Variants in PATJ observed in about 807,000 individuals in gnomAD.
PATJ encodes inaD-like protein.
PATJ carries 190 observed loss-of-function variants against 224.9 expected under a neutral mutation model. The ratio of observed to expected loss-of-function variants is 0.84; its 90% CI spans 0.75 to 0.95. The LOEUF is 0.95. Among genes scored for constraint, PATJ ranks in the 40% least tolerant of loss-of-function variants. The pLI, the probability that PATJ is intolerant of heterozygous loss-of-function variation, is 0.00. For missense variants in PATJ, 2,121 were observed against 2,270.3 expected, an observed-to-expected ratio of 0.93 and a Z score of 1.34; for synonymous variants, 769 against 820.3, an observed-to-expected ratio of 0.94 and a Z score of 1.07.
At chr1:62,010,873 A>G (rs1438451000) in intron 28 of PATJ, among the ~76,000 whole-genome samples, 1 of 152,226 alleles carries the variant, frequency 6.6e-6, no homozygotes, top group African/African-American at 2.4e-5. Context: ...GAGCTTAGCT[A>G]GATCTTCTGA....
At chr1:61,870,016 A>G (rs1418383459) in intron 20 of PATJ, among the ~76,000 whole-genome samples, 2 of 152,218 alleles carry the variant, frequency 1.3e-5, no homozygotes, top group Non-Finnish European at 1.5e-5. Context: ...AAGTGTTAAC[A>G]GTTCAGTGAG....
intron 28 of PATJ, among the ~76,000 whole-genome samples, chr1:61,998,511 G>A (rs909569603): frequency 6.6e-6 from 1 of 152,154 alleles, no homozygotes; most frequent in African/African-American, 2.4e-5. Flanking sequence ...ACAGATGTGA[G>A]CCACTGTGCC....
Position 62,161,260 on chromosome 1 carries a change from T to C in PATJ, c.*206T>C. The C allele has an allele frequency of 2.5e-6, 1 of 402,422 alleles. No homozygotes were observed. Among genetic ancestry groups the C allele is most frequent in the Non-Finnish European group, 4.3e-6 (1 of 230,316 alleles). The allele number at this position is 402,422 out of a possible 1,614,324, so 24.9% of individuals were successfully genotyped here. A position where few individuals can be genotyped will look rare whatever the true frequency, so the allele number is the denominator to read the frequency against. On this transcript the variant is annotated 3_prime_UTR_variant, in exon 44 of 44. Coordinates refer to ENST00000642238, the MANE Select transcript of PATJ (RefSeq NM_001350145.3). ...CTAATGTTTCCCAGTTCCTGTCACC[T>C]GTTGGCGAGGTTGATTTCTAAAACT...
chr1:61,813,680 G>A (rs1051536930), intron 14 of PATJ, among the ~76,000 whole-genome samples: 5 of 152,032 alleles, frequency 3.3e-5, no homozygotes, highest in East Asian at 1.9e-4. Flanking sequence ...TAGGTGATAT[G>A]TGCCATGGAG....
intron 19 of PATJ, among the ~76,000 whole-genome samples, chr1:61,864,006 C>A (rs1190078827): frequency 6.6e-6 from 1 of 152,210 alleles, no homozygotes; most frequent in Non-Finnish European, 1.5e-5. Flanking sequence ...AAATCATTCA[C>A]CTTGCCAAGG....
chr1:62,039,815 G>A (rs1414918204), intron 30 of PATJ, among the ~76,000 whole-genome samples: 1 of 152,150 alleles, frequency 6.6e-6, no homozygotes, highest in South Asian at 2.1e-4. Context: ...CCATGTGCTA[G>A]CTCCGGTGCC....
In PATJ at chr1:61,899,652, A is replaced by ACCCCGAG; in HGVS notation, c.3201_3202insCCCCGAG (p.Ile1068ProfsTer5). 1 of 1,605,708 alleles carries ACCCCGAG rather than the reference A, an allele frequency of 6.2e-7. No homozygotes were observed. Among genetic ancestry groups the ACCCCGAG allele is most frequent in the Non-Finnish European group, 8.5e-7 (1 of 1,175,216 alleles). On this transcript the variant is annotated frameshift_variant and splice_region_variant, in exon 23 of 44. Coordinates refer to ENST00000642238, the MANE Select transcript of PATJ (RefSeq NM_001350145.3). LOFTEE classifies it high-confidence loss of function. ...ATTTTAGCCACTGGGGTCCACCGAG[A>ACCCCGAG]ATGTATGTGGATGACATTATTGTGG...
chr1:61,825,381 G>C (rs1279698115), intron 15 of PATJ, among the ~76,000 whole-genome samples: 1 of 152,154 alleles, frequency 6.6e-6, no homozygotes, highest in Non-Finnish European at 1.5e-5. Flanking sequence ...GTCACAAGTT[G>C]AAGGACCTTG....
intron 17 of PATJ, among the ~76,000 whole-genome samples, chr1:61,849,052 T>C (rs897583960): frequency 7.2e-5 from 11 of 152,224 alleles, no homozygotes; most frequent in Admixed American, 2.0e-4. Flanking sequence ...AATACATATC[T>C]GTGGAATGAA....
chr1:62,034,195 C>T (rs1279471490), intron 29 of PATJ, among the ~76,000 whole-genome samples: 2 of 152,146 alleles, frequency 1.3e-5, no homozygotes, highest in African/African-American at 4.8e-5. Context: ...GTAATCCCAG[C>T]ACTTTGGGAG....
intron 10 of PATJ, among the ~76,000 whole-genome samples, chr1:61,796,832 C>A (rs1191666864): frequency 6.7e-6 from 1 of 148,572 alleles, no homozygotes; most frequent in Non-Finnish European, 1.5e-5. Context: ...TTCCTTCCCT[C>A]CCTCCCTCCT....
At chr1:62,007,290 C>T (rs1224099155) in intron 28 of PATJ, among the ~76,000 whole-genome samples, 1 of 152,186 alleles carries the variant, frequency 6.6e-6, no homozygotes, top group African/African-American at 2.4e-5. Context: ...GAAGCTGAGA[C>T]AGAAGTTACT....
At chr1:61,853,812 TTAACAC>T (rs1663218182) in intron 17 of PATJ, among the ~76,000 whole-genome samples, 1 of 152,212 alleles carries the variant, frequency 6.6e-6, no homozygotes, top group East Asian at 1.9e-4. Context: ...TAATTATAGT[TTAACAC>T]TACTTTATTA....
intron 31 of PATJ, among the ~76,000 whole-genome samples, chr1:62,056,497 C>T (rs1654562387): frequency 6.6e-6 from 1 of 152,046 alleles, no homozygotes; most frequent in South Asian, 2.1e-4. Context: ...CCCTGCACCC[C>T]AGCCTGGGTG....
chr1:61,842,451 C>A (rs1217161229), intron 17 of PATJ, among the ~76,000 whole-genome samples: 1 of 152,168 alleles, frequency 6.6e-6, no homozygotes, highest in Non-Finnish European at 1.5e-5. Flanking sequence ...GGTAGCTTTC[C>A]TTTTAACACG....
At chr1:62,082,878 A>T (rs1659456264) in intron 32 of PATJ, among the ~76,000 whole-genome samples, 1 of 152,140 alleles carries the variant, frequency 6.6e-6, no homozygotes, top group Non-Finnish European at 1.5e-5. Context: ...TTTAATGAGC[A>T]CTGGGATCTC....
intron 7 of PATJ, among the ~76,000 whole-genome samples, chr1:61,779,743 A>G (rs945464978): frequency 1.3e-5 from 2 of 152,200 alleles, no homozygotes; most frequent in African/African-American, 2.4e-5. Context: ...TAGTGTTGCT[A>G]TAAGGAAATA....
At chr1:61,964,114 C>G (rs542469813) in intron 27 of PATJ, among the ~76,000 whole-genome samples, 2 of 141,314 alleles carry the variant, frequency 1.4e-5, no homozygotes, top group South Asian at 2.6e-4. Context: ...TCCTTCCTTT[C>G]TCTGTTACCA....
intron 18 of PATJ, among the ~76,000 whole-genome samples, chr1:61,856,829 G>A (rs536864710): frequency 4.6e-5 from 7 of 152,244 alleles, no homozygotes; most frequent in Admixed American, 4.6e-4. Flanking sequence ...CTGAGCTCAG[G>A]CAATCTGCCT....
Sources: allele counts gnomAD v4.1 joint callset (sites outside exome capture counted in the v4.1 genomes callset), GRCh38; gene constraint gnomAD v4.1.1; transcripts MANE v1.5; gene names NCBI Gene and HGNC (gene_info 2026-07-23, HGNC 2026-07-21).